HSD17B12: variants seen among roughly 807,000 people sequenced by gnomAD.
HSD17B12 encodes the protein very-long-chain 3-oxoacyl-CoA reductase.
HSD17B12 carries 32 observed loss-of-function variants against 39.3 expected under a neutral mutation model. The ratio of observed to expected loss-of-function variants is 0.81; its 90% CI spans 0.61 to 1.09. HSD17B12 has a LOEUF of 1.09. Ranked by LOEUF, HSD17B12 falls within the 50% of genes least tolerant of loss-of-function variation. The probability of loss-of-function intolerance (pLI) is 0.00; values close to 1 mark genes in which losing one functional copy is unlikely to be tolerated. For synonymous variants in HSD17B12, 150 were observed against 146.7 expected (o/e 1.02, Z -0.16); for missense variants, 342 against 382.9 (o/e 0.89, Z 0.89).
chr11:43,658,891 G>T, the HSD17B12 span, among the ~76,000 whole-genome samples: 1 of 152,206 alleles, frequency 6.6e-6, no homozygotes, highest in Non-Finnish European at 1.5e-5. Context: ...CAAGCTGCGT[G>T]CTGGGAGAAC....
intron 4 of HSD17B12, among the ~76,000 whole-genome samples, chr11:43,804,464 T>A (rs1951000125): frequency 1.3e-5 from 2 of 152,180 alleles, no homozygotes; most frequent in African/African-American, 2.4e-5. Flanking sequence ...AGAGGTCAGT[T>A]GATTGCAAAG....
chr11:43,591,199 A>G, the HSD17B12 span, among the ~76,000 whole-genome samples: 3 of 152,238 alleles, frequency 2.0e-5, no homozygotes, highest in East Asian at 1.9e-4. Context: ...TTAAAGAAAT[A>G]CATTTTTATT....
intron 3 of HSD17B12, among the ~76,000 whole-genome samples, chr11:43,784,243 C>T (rs1246026397): frequency 6.6e-6 from 1 of 151,588 alleles, no homozygotes. Context: ...TTTTGCAATG[C>T]TTTTTCATAC....
chr11:43,642,687 A>G, the HSD17B12 span, among the ~76,000 whole-genome samples: 7 of 152,006 alleles, frequency 4.6e-5, no homozygotes, highest in East Asian at 9.6e-4. Flanking sequence ...TGCCTAGCAA[A>G]ATACTAACTA....
chr11:43,739,402 A>G (rs1397450720), intron 1 of HSD17B12, among the ~76,000 whole-genome samples: 1 of 152,240 alleles, frequency 6.6e-6, no homozygotes, highest in East Asian at 1.9e-4. Context: ...ATAATAAAAT[A>G]CATAAAGAAC....
the HSD17B12 span, among the ~76,000 whole-genome samples, chr11:43,582,091 T>C: frequency 6.6e-6 from 1 of 152,190 alleles, no homozygotes; most frequent in African/African-American, 2.4e-5. Flanking sequence ...AGTCTCTTCC[T>C]CCCGCGCCTG....
At chr11:43,591,899 T>C in the HSD17B12 span, among the ~76,000 whole-genome samples, 1 of 152,090 alleles carries the variant, frequency 6.6e-6, no homozygotes, top group African/African-American at 2.4e-5. Context: ...GGGAGTTTTA[T>C]GATAATTCAT....
At chr11:43,619,450 C>T in the HSD17B12 span, among the ~76,000 whole-genome samples, 55,411 of 146,392 alleles carry the variant, frequency 0.38, 11,874 homozygotes, top group East Asian at 0.74. Context: ...AGTGCAGTGG[C>T]GTGATCTTGG....
the HSD17B12 span, chr11:43,579,396 C>G: frequency 6.6e-6 from 1 of 152,588 alleles, no homozygotes; most frequent in South Asian, 2.1e-4. Context: ...GCTTTGCCGC[C>G]GGGCAAACAC....
intron 3 of HSD17B12, among the ~76,000 whole-genome samples, chr11:43,782,257 CA>C (rs1301870180): frequency 2.0e-5 from 3 of 152,186 alleles, no homozygotes; most frequent in Non-Finnish European, 4.4e-5. Flanking sequence ...CTGTATTATG[CA>C]GCATAGATGT....
chr11:43,656,087 G>A, the HSD17B12 span, among the ~76,000 whole-genome samples: 3 of 152,170 alleles, frequency 2.0e-5, no homozygotes, highest in Admixed American at 6.5e-5. Context: ...TTCAGAGCCT[G>A]TTATTCGTCT....
At chr11:43,623,305 C>T in the HSD17B12 span, among the ~76,000 whole-genome samples, 1 of 151,924 alleles carries the variant, frequency 6.6e-6, no homozygotes, top group Non-Finnish European at 1.5e-5. Flanking sequence ...TTTATTAGAG[C>T]TTCTGATTCA....
At chr11:43,707,023 C>T (rs982055372) in intron 1 of HSD17B12, among the ~76,000 whole-genome samples, 1 of 151,958 alleles carries the variant, frequency 6.6e-6, no homozygotes, top group Non-Finnish European at 1.5e-5. Context: ...ATGACATATA[C>T]CATAGATATA....
intron 4 of HSD17B12, among the ~76,000 whole-genome samples, chr11:43,809,687 G>A (rs920643609): frequency 6.6e-6 from 1 of 152,086 alleles, no homozygotes; most frequent in Non-Finnish European, 1.5e-5. Flanking sequence ...GGTCGTGGTG[G>A]CGCATGCCTG....
At chr11:43,758,717 G>T (rs2134960382) in intron 3 of HSD17B12, among the ~76,000 whole-genome samples, 1 of 152,274 alleles carries the variant, frequency 6.6e-6, no homozygotes, top group East Asian at 1.9e-4. Context: ...AGAAGCCACA[G>T]CTTAGCACAG....
At chr11:43,606,431 G>A in the HSD17B12 span, among the ~76,000 whole-genome samples, 1 of 152,202 alleles carries the variant, frequency 6.6e-6, no homozygotes, top group African/African-American at 2.4e-5. Flanking sequence ...TTATAGCTGA[G>A]GATCTCAGGG....
intron 6 of HSD17B12, among the ~76,000 whole-genome samples, chr11:43,823,401 G>T (rs1191741980): frequency 6.6e-6 from 1 of 152,112 alleles, no homozygotes; most frequent in African/African-American, 2.4e-5. Context: ...CTCCTGAGTA[G>T]TTAGGACTAC....
At chr11:43,663,531 C>T in the HSD17B12 span, among the ~76,000 whole-genome samples, 2 of 152,162 alleles carry the variant, frequency 1.3e-5, no homozygotes, top group South Asian at 4.1e-4. Flanking sequence ...CATGACCAGC[C>T]AATTGGATAT....
chr11:43,838,822 T>C (rs1020361841), intron 8 of HSD17B12, among the ~76,000 whole-genome samples: 8 of 152,176 alleles, frequency 5.3e-5, no homozygotes, highest in African/African-American at 1.7e-4. Context: ...CTAGTCAATG[T>C]GTAAATGTAC....
Sources: gnomAD v4.1 joint callset for allele counts (sites outside exome capture counted in the v4.1 genomes callset) on GRCh38, gnomAD v4.1.1 for gene constraint, MANE v1.5 for transcripts, NCBI Gene and HGNC (gene_info 2026-07-23, HGNC 2026-07-21) for gene names.